CD9: variants seen among roughly 807,000 people sequenced by gnomAD.
The protein encoded by CD9 is CD9 antigen.
CD9 carries 10 observed loss-of-function variants against 31.4 expected under a neutral mutation model. That is an observed-to-expected ratio of 0.32 (90% CI 0.20 to 0.54). The LOEUF is 0.54. CD9 is among the 20% of genes least tolerant of loss of function. The probability of loss-of-function intolerance (pLI) is 0.94; values close to 1 mark genes in which losing one functional copy is unlikely to be tolerated. For missense variants in CD9, 259 were observed against 300.1 expected (o/e 0.86, Z 1.01); for synonymous variants, 113 against 114.1 (o/e 0.99, Z 0.06).
chr12:6,212,853 C>A (rs142569911), intron 1 of CD9, among the ~76,000 whole-genome samples: 2 of 152,172 alleles, frequency 1.3e-5, no homozygotes, highest in East Asian at 3.9e-4. Flanking sequence ...ATGTGTGGAC[C>A]CCTCTCCCCA....
In CD9 at chr12:6,202,738, T is replaced by C. The variant is rs565313062; in HGVS notation, c.66+2173T>C. 3.9e-5 allele frequency among the ~76,000 whole-genome samples: 6 copies of C among 152,302 alleles called. No homozygotes were observed. In the South Asian group the frequency reaches 1.0e-3, roughly 26 times the overall value. Reference sequence around the variant, plus strand: ...GCCTAGGTGCAGCTGATGACCTATGTAGTCTGAAACAGAAATCACTCACAC... The same window carrying C: ...GCCTAGGTGCAGCTGATGACCTATGCAGTCTGAAACAGAAATCACTCACAC... On this transcript the variant is annotated intron_variant, in intron 1 of 7. Transcript: ENST00000009180.
intron 1 of CD9, among the ~76,000 whole-genome samples, chr12:6,213,185 G>A (rs1946210052): frequency 6.6e-6 from 1 of 152,194 alleles, no homozygotes; most frequent in Non-Finnish European, 1.5e-5. Flanking sequence ...TGTAGTTGCT[G>A]CTACTGGTAC....
rs1946458273 is a variant in CD9 at position 6,232,446 on chromosome 12, A to G, written c.176-186A>G. ...AGTCATGCAAGAGAGGCTGGTGGGA[A>G]GGAGACCTGGGGCAGAGGTGGAAGA... On this transcript the variant is annotated intron_variant, in intron 2 of 7. Transcript: ENST00000009180. The surrounding 1 kb of genome is among the most constrained non-coding windows in gnomAD (Gnocchi z 4.8). The G allele has an allele frequency of 1.6e-6, 1 of 629,456 alleles. No homozygotes were observed. Among genetic ancestry groups the G allele is most frequent in the South Asian group, 1.8e-5 (1 of 54,986 alleles). 39.0% of individuals were successfully genotyped at this position (629,456 alleles called of 1,614,324 possible).
Position 6,237,240 on chromosome 12 carries a change from G to T in CD9, c.622-523G>T, listed in dbSNP as rs1591983520. ...TCTGCCTGCCTTGGCCTCCCAAAGT[G>T]CTGGGATTACAGGCGTGAGCCACTG... On this transcript the variant is annotated intron_variant, in intron 7 of 7. Coordinates refer to ENST00000009180, the MANE Select transcript of CD9 (RefSeq NM_001769.4). Among the ~76,000 whole-genome samples, 4 of 152,212 alleles carry T rather than the reference G, an allele frequency of 2.6e-5. No homozygotes were observed. The South Asian group carries it at 8.3e-4, about 31-fold the overall frequency.
intron 1 of CD9, among the ~76,000 whole-genome samples, chr12:6,215,696 A>G (rs1384335064): frequency 6.6e-6 from 1 of 152,176 alleles, no homozygotes; most frequent in African/African-American, 2.4e-5. Flanking sequence ...AACCAGTCAT[A>G]CCTACAAAAG....
At chr12:6,208,465 C>G (rs1038342450) in intron 1 of CD9, among the ~76,000 whole-genome samples, 1 of 152,172 alleles carries the variant, frequency 6.6e-6, no homozygotes, top group Non-Finnish European at 1.5e-5. Context: ...AGAACCTCGA[C>G]TGAGGCTAAA....
Position 6,236,289 on chromosome 12 carries a change from C to T in CD9, c.621+14C>T, listed in dbSNP as rs377057639. On this transcript the variant is annotated intron_variant, in intron 7 of 7. Transcript: ENST00000009180. Reference sequence around the variant, plus strand: ...GCCGTGGTCATGGTGAGTGGCAGGACGTCGTCCCAGGAGGGGGACTGAGGA... The same window carrying T: ...GCCGTGGTCATGGTGAGTGGCAGGATGTCGTCCCAGGAGGGGGACTGAGGA... 8.6e-5 allele frequency: 138 copies of T among 1,612,366 alleles called. No individual in the cohort carries two copies. Among genetic ancestry groups the T allele is most frequent in the Middle Eastern group, 4.9e-4 (3 of 6,084 alleles).
intron 2 of CD9, 72 bp downstream of exon 2, chr12:6,225,606 A>ATG: frequency 1.1e-6 from 1 of 946,540 alleles, no homozygotes; most frequent in East Asian, 2.4e-5. Context: ...TGGAGGCCCC[A>ATG]TGTTGACCCA....
At chr12:6,220,128 C>T (rs946470552) in intron 1 of CD9, among the ~76,000 whole-genome samples, 1 of 152,094 alleles carries the variant, frequency 6.6e-6, no homozygotes. Context: ...GCGACACTGG[C>T]CTGCTCACGT....
chr12:6,202,022 G>C (rs1478360682), intron 1 of CD9, among the ~76,000 whole-genome samples: 1 of 152,184 alleles, frequency 6.6e-6, no homozygotes, highest in Non-Finnish European at 1.5e-5. Flanking sequence ...GGGTGACCTA[G>C]TGAGCCCTGT....
At chr12:6,204,811 A>G (rs1347142313) in intron 1 of CD9, among the ~76,000 whole-genome samples, 1 of 152,176 alleles carries the variant, frequency 6.6e-6, no homozygotes, top group East Asian at 1.9e-4. Flanking sequence ...TTCTCTAAGA[A>G]GTGTGGAAGT....
Position 6,233,494 on chromosome 12 carries a change from T to A in CD9, c.348+8T>A. On this transcript the variant is annotated splice_region_variant and intron_variant, in intron 4 of 7. Transcript: ENST00000009180. ...TATTCCCACAAGGATGAGGTAGGTT[T>A]TTCCCATGAGATCTCTTGGGTTTGG... is the stretch of plus-strand genomic sequence containing the variant. 1.2e-6 allele frequency: 2 copies of A among 1,608,892 alleles called. No homozygotes were observed. The highest frequency in any genetic ancestry group is 1.7e-6 in the Non-Finnish European group (2 of 1,175,212).
chr12:6,212,245 C>T (rs1235934158), intron 1 of CD9, among the ~76,000 whole-genome samples: 1 of 152,162 alleles, frequency 6.6e-6, no homozygotes, highest in Non-Finnish European at 1.5e-5. Flanking sequence ...ACGGGCAAGT[C>T]GCTTTACCTC....
intron 3 of CD9, chr12:6,233,121 G>A (rs565619641): frequency 1.5e-4 from 106 of 696,826 alleles, no homozygotes; most frequent in South Asian, 1.5e-3. Flanking sequence ...AACAATAGTA[G>A]TTGCCTGCTC....
At chr12:6,202,972 C>T (rs1189580747) in intron 1 of CD9, among the ~76,000 whole-genome samples, 1 of 152,202 alleles carries the variant, frequency 6.6e-6, no homozygotes, top group Non-Finnish European at 1.5e-5. Context: ...TCCTGAATTA[C>T]TGTTCATTTG....
At chr12:6,212,323 C>G (rs994978089) in intron 1 of CD9, among the ~76,000 whole-genome samples, 5 of 152,214 alleles carry the variant, frequency 3.3e-5, no homozygotes, top group African/African-American at 1.2e-4. Context: ...AGGCAGCCCA[C>G]TAAGAATCAG....
intron 1 of CD9, among the ~76,000 whole-genome samples, chr12:6,224,013 C>T (rs867360857): frequency 3.3e-5 from 5 of 152,152 alleles, no homozygotes; most frequent in Non-Finnish European, 5.9e-5. Context: ...CATGTGGCGT[C>T]GTACAGTCCT....
At chr12:6,230,967 C>T (rs182747474) in intron 2 of CD9, among the ~76,000 whole-genome samples, 1 of 152,202 alleles carries the variant, frequency 6.6e-6, no homozygotes, top group Non-Finnish European at 1.5e-5. Flanking sequence ...GCCTCAGCTG[C>T]GGGCAGACTG....
chr12:6,229,992 A>G (rs1946422992), intron 2 of CD9, among the ~76,000 whole-genome samples: 3 of 152,172 alleles, frequency 2.0e-5, no homozygotes, highest in African/African-American at 7.2e-5. Context: ...ACACTTTGTC[A>G]TTTATCAACA....
Sources: allele counts gnomAD v4.1 joint callset (sites outside exome capture counted in the v4.1 genomes callset), GRCh38; gene constraint gnomAD v4.1.1; non-coding constraint Gnocchi (gnomAD v3.1); transcripts MANE v1.5; gene names NCBI Gene and HGNC (gene_info 2026-07-23, HGNC 2026-07-21).